The following CRMP1 variants were observed in gnomAD, a reference collection of about 807,000 sequenced individuals.
CRMP1 encodes the protein dihydropyrimidinase-related protein 1.
CRMP1 carries 19 observed loss-of-function variants against 68.3 expected under a neutral mutation model. That is an observed-to-expected ratio of 0.28 (90% CI 0.19 to 0.41). The LOEUF (loss-of-function observed/expected upper bound fraction) is 0.41. CRMP1 is among the 10% of genes least tolerant of loss of function. The pLI, the probability that CRMP1 is intolerant of heterozygous loss-of-function variation, is 1.00. For synonymous variants in CRMP1, 439 were observed against 399.6 expected, an observed-to-expected ratio of 1.10 and a Z score of -1.18; for missense variants, 791 against 967.4, an observed-to-expected ratio of 0.82 and a Z score of 2.42.
At chr4:5,851,582 C>A in intron 4 of CRMP1, 113 bp from the exon 5 acceptor site, 1 of 1,035,794 alleles carries the variant, frequency 9.7e-7, no homozygotes, top group African/African-American at 1.6e-5. Context: ...GAGATGAGTG[C>A]CATTGGGATC....
Position 5,855,397 on chromosome 4 carries a change from G to C in CRMP1, c.820+746C>G, listed in dbSNP as rs1260602460. ...GAGGGCTCCCCGACTGCCCCTTTCT[G>C]GACAGATCGCTCATGCCCTGTCTCT... On this transcript the variant is annotated intron_variant, in intron 4 of 13. Transcript: ENST00000324989. The surrounding 1 kb of genome is among the most constrained non-coding windows in gnomAD (Gnocchi z 4.9). Among the ~76,000 whole-genome samples, 1 of 152,184 alleles carries C rather than the reference G, an allele frequency of 6.6e-6. No individual in the cohort carries two copies. The highest frequency in any genetic ancestry group is 6.5e-5 in the Admixed American group (1 of 15,272).
rs189151789 is a variant in CRMP1, at chr4:5,861,628, G to T, written c.471-418C>A. On this transcript the variant is annotated intron_variant, in intron 2 of 13. Transcript: ENST00000324989. This position sits in a 1 kb window ranked among gnomAD's most constrained non-coding sequence, Gnocchi z 6.0. ...GGTTAAATTCCAAATGGGGAAGGAG[G>T]GAAAAGAGCCTACGAAATGAGAAAC... Among the ~76,000 whole-genome samples the T allele has an allele frequency of 6.6e-6, 1 of 152,236 alleles. No homozygotes were observed. Among genetic ancestry groups the T allele is most frequent in the East Asian group, 1.9e-4 (1 of 5,166 alleles).
rs760482558 is a variant in CRMP1, at chr4:5,891,841, T to G, written c.381+748A>C. ...AAGCCCTAGCGTTCCCTCTCCCTGA[T>G]CCTCCCGGCCCCATGCTCAGGTCCG... is the stretch of plus-strand genomic sequence containing the variant. On this transcript the variant is annotated intron_variant, in intron 1 of 13. Coordinates refer to ENST00000324989, the MANE Select transcript of CRMP1 (RefSeq NM_001014809.3). The surrounding 1 kb of genome is among the most constrained non-coding windows in gnomAD (Gnocchi z 5.2). Among the ~76,000 whole-genome samples the G allele has an allele frequency of 6.6e-6, 1 of 152,128 alleles. No individual in the cohort carries two copies. The highest frequency in any genetic ancestry group is 1.5e-5 in the Non-Finnish European group (1 of 68,010).
rs906602414 is a variant in CRMP1, at chr4:5,834,720, A to G, written c.1623+1195T>C. ...CGTGAAATAATTCATAATAAATAAT[A>G]GAATTGCAAGCCCTGCTGGACTGTA... On this transcript the variant is annotated intron_variant, in intron 11 of 13. Coordinates refer to ENST00000324989, the MANE Select transcript of CRMP1 (RefSeq NM_001014809.3). This position sits in a 1 kb window ranked among gnomAD's most constrained non-coding sequence, Gnocchi z 4.3. 2.0e-5 allele frequency among the ~76,000 whole-genome samples: 3 copies of G among 152,238 alleles called. No homozygotes were observed. The highest frequency in any genetic ancestry group is 6.5e-5 in the Admixed American group (1 of 15,286).
At chr4:5,868,265 A>ATATC (rs1553907501) in intron 1 of CRMP1, among the ~76,000 whole-genome samples, 60 of 12,804 alleles carry the variant, frequency 4.7e-3, no homozygotes, top group Middle Eastern at 0.031. Flanking sequence ...ATATATCTAT[A>ATATC]TATATATATA....
chr4:5,828,060 G>A, intron 12 of CRMP1: 1 of 985,428 alleles, frequency 1.0e-6, no homozygotes, highest in Non-Finnish European at 1.2e-6. Context: ...GATGCCAGGG[G>A]TAACACCTTG....
At chr4:5,830,472 C>T (rs1720287633) in intron 11 of CRMP1, among the ~76,000 whole-genome samples, 1 of 152,132 alleles carries the variant, frequency 6.6e-6, no homozygotes, top group Admixed American at 6.5e-5. Context: ...TATTCTAGTC[C>T]TTTCATAGCT....
At chr4:5,867,012 A>T (rs1313302614) in intron 1 of CRMP1, among the ~76,000 whole-genome samples, 1 of 152,030 alleles carries the variant, frequency 6.6e-6, no homozygotes, top group Non-Finnish European at 1.5e-5. Context: ...GTATCTTTCC[A>T]CCTATAAATA....
rs1035112575 is a variant in CRMP1 at position 5,870,458 on chromosome 4, G to C, written c.382-3702C>G. Among the ~76,000 whole-genome samples, 1 of 152,234 alleles carries C rather than the reference G, an allele frequency of 6.6e-6. No homozygotes were observed. The highest frequency in any genetic ancestry group is 6.5e-5 in the Admixed American group (1 of 15,286). On this transcript the variant is annotated intron_variant, in intron 1 of 13. Coordinates refer to ENST00000324989, the MANE Select transcript of CRMP1 (RefSeq NM_001014809.3). This position sits in a 1 kb window ranked among gnomAD's most constrained non-coding sequence, Gnocchi z 6.0. ...GCGTTGGTGGGGACGGCACTGCCTG[G>C]AGTTTGCACAGCACTTGTCTTTACT...
chr4:5,880,606 A>C, intron 1 of CRMP1, among the ~76,000 whole-genome samples: 1 of 152,244 alleles, frequency 6.6e-6, no homozygotes, highest in East Asian at 1.9e-4. Context: ...TACCTTTTGC[A>C]AAAGCTTCCC....
intron 1 of CRMP1, chr4:5,887,838 C>A (rs1715705722): frequency 2.0e-6 from 2 of 997,724 alleles, no homozygotes; most frequent in East Asian, 1.0e-4. Flanking sequence ...GGGGGCCGAG[C>A]CAAGGAGGCT....
At chr4:5,822,513 A>C (rs1718813691) in intron 13 of CRMP1, among the ~76,000 whole-genome samples, 1 of 151,754 alleles carries the variant, frequency 6.6e-6, no homozygotes, top group Non-Finnish European at 1.5e-5. Flanking sequence ...GGTGGTGTGC[A>C]GAGGTTCTTA....
chr4:5,825,826 C>A lies in CRMP1; in HGVS notation c.1804-167G>T. 2 of 645,446 alleles carry A rather than the reference C, an allele frequency of 3.1e-6. No individual in the cohort carries two copies. Among genetic ancestry groups the A allele is most frequent in the Non-Finnish European group, 2.7e-6 (1 of 377,306 alleles). The allele number at this position is 645,446 out of a possible 1,614,324, so 40.0% of individuals were successfully genotyped here. ...ACGACAGGTGCACTTCACACACATGCAGCCGCACACAGGCATTCATACACA... is the reference window on the plus strand; with the variant it reads ...ACGACAGGTGCACTTCACACACATGAAGCCGCACACAGGCATTCATACACA... On this transcript the variant is annotated intron_variant, in intron 12 of 13. Transcript: ENST00000324989. This position sits in a 1 kb window ranked among gnomAD's most constrained non-coding sequence, Gnocchi z 4.4.
intron 1 of CRMP1, among the ~76,000 whole-genome samples, chr4:5,880,968 T>C (rs1459354131): frequency 6.6e-6 from 1 of 152,134 alleles, no homozygotes; most frequent in East Asian, 1.9e-4. Context: ...CAAGTATCCA[T>C]GGTCAAGCGG....
chr4:5,869,402 G>C (rs975584678), intron 1 of CRMP1, among the ~76,000 whole-genome samples: 7 of 151,962 alleles, frequency 4.6e-5, no homozygotes, highest in African/African-American at 1.7e-4. Flanking sequence ...AGTAAACTGG[G>C]CCAGGTGTGG....
In CRMP1 at chr4:5,835,951, G is replaced by C. The variant is rs190668040; in HGVS notation, c.1587C>G (p.Asp529Glu). ...SDADVVIWDP[D>E]KLKTITAKSH... is the part of the protein sequence containing the mutation. The stretch of plus-strand genomic sequence containing the variant: ...TTTTGGCTGTTATGGTCTTCAACTT[G>C]TCGGGGTCCCAGATGACCACGTCGG... Residue 529 changes from aspartate (D) to glutamate (E), a missense_variant, in exon 11 of 14, where the codon GAC becomes GAG. By Grantham distance (45) the Asp-to-Glu change is conservative. This residue lies in a region of CRMP1 where 594 missense variants were observed against 763.6 expected (regional missense o/e 0.78). Coordinates refer to ENST00000324989, the MANE Select transcript of CRMP1 (RefSeq NM_001014809.3). 8.8e-6 allele frequency: 14 copies of C among 1,585,192 alleles called. No homozygotes were observed. The highest frequency in any genetic ancestry group is 1.1e-5 in the Non-Finnish European group (13 of 1,166,156).
chr4:5,835,424 G>A (rs781352025), intron 11 of CRMP1, among the ~76,000 whole-genome samples: 5 of 152,226 alleles, frequency 3.3e-5, no homozygotes, highest in Non-Finnish European at 7.3e-5. Flanking sequence ...ATACAAAGCA[G>A]AGAAGGCCCA....
chr4:5,842,648 TCTCA>T lies in CRMP1; in HGVS notation c.1032+441_1032+444del. On this transcript the variant is annotated intron_variant, in intron 7 of 13. Coordinates refer to ENST00000324989, the MANE Select transcript of CRMP1 (RefSeq NM_001014809.3). This position sits in a 1 kb window ranked among gnomAD's most constrained non-coding sequence, Gnocchi z 4.5. ...CACACACACACACACGCACTGTCTC[TCTCA>T]CACACACACACTAACATACACACAC... 6.8e-6 allele frequency among the ~76,000 whole-genome samples: 1 copy of T among 147,832 alleles called. No homozygotes were observed. The highest frequency in any genetic ancestry group is 2.5e-5 in the African/African-American group (1 of 40,382).
Position 5,891,114 on chromosome 4 carries a change from G to T in CRMP1, c.381+1475C>A, listed in dbSNP as rs185990832. The stretch of plus-strand genomic sequence containing the variant: ...AGGGGGAGATACAGAAGGGGTGGGG[G>T]AAGAGGAAGCTGGACTCTCGCACCA... On this transcript the variant is annotated intron_variant, in intron 1 of 13. Transcript: ENST00000324989. The surrounding 1 kb of genome is among the most constrained non-coding windows in gnomAD (Gnocchi z 5.2). Among the ~76,000 whole-genome samples, 65 of 151,504 alleles carry T rather than the reference G, an allele frequency of 4.3e-4. 1 individual carries two copies. The East Asian group carries it at 9.8e-3, about 23-fold the overall frequency.
Sources: allele counts gnomAD v4.1 joint callset (sites outside exome capture counted in the v4.1 genomes callset), GRCh38; gene constraint gnomAD v4.1.1; regional missense constraint gnomAD v4.1.1; non-coding constraint Gnocchi (gnomAD v3.1); transcripts MANE v1.5; gene names NCBI Gene and HGNC (gene_info 2026-07-23, HGNC 2026-07-21).